LUZP2: variants seen among roughly 807,000 people sequenced by gnomAD.
LUZP2 encodes the protein leucine zipper protein 2.
A neutral mutation model predicts 51.6 loss-of-function variants in LUZP2; 52 were observed. That is an observed-to-expected ratio of 1.01 (90% confidence interval 0.81 to 1.27). LUZP2 has a LOEUF of 1.27. Among genes scored for constraint, LUZP2 ranks in the 50% most tolerant of loss-of-function variants. The pLI is 0.00. For synonymous variants in LUZP2, 154 were observed against 137.3 expected, an observed-to-expected ratio of 1.12 and a Z score of -0.85; for missense variants, 436 against 395.4, an observed-to-expected ratio of 1.10 and a Z score of -0.87.
intron 9 of LUZP2, among the ~76,000 whole-genome samples, chr11:24,995,808 T>C (rs1045102542): frequency 1.2e-4 from 18 of 152,032 alleles, no homozygotes; most frequent in Non-Finnish European, 1.9e-4. Context: ...AGGTCAATGG[T>C]TTGGTTTTCA....
intron 5 of LUZP2, among the ~76,000 whole-genome samples, chr11:24,817,121 G>T (rs528409459): frequency 1.1e-4 from 16 of 152,030 alleles, no homozygotes; most frequent in Admixed American, 3.3e-4. Context: ...TATTAACAAT[G>T]CTCCTCTGAG....
intron 7 of LUZP2, among the ~76,000 whole-genome samples, chr11:24,922,328 G>A (rs1000313945): frequency 6.6e-6 from 1 of 152,146 alleles, no homozygotes; most frequent in Non-Finnish European, 1.5e-5. Flanking sequence ...TGCTCTTGAA[G>A]AGAGGGCATT....
At position 24,729,364 on chromosome 11, in the gene LUZP2, T is replaced by A. The variant is rs919582400; in HGVS notation, c.180+78T>A. On this transcript the variant is annotated intron_variant, in intron 2 of 11. Transcript: ENST00000336930. ...TTCTGAGTGGATTGACATGCATTTT[T>A]AAATAGTTTTTAATGTGTTTCTGGG... 8.8e-5 allele frequency: 63 copies of A among 714,004 alleles called. 1 individual carries two copies. The East Asian group carries it at 1.7e-3, about 19-fold the overall frequency. The allele number at this position is 714,004 out of a possible 1,614,324, so 44.2% of individuals were successfully genotyped here. A position where few individuals can be genotyped will look rare whatever the true frequency, so the allele number is the denominator to read the frequency against.
chr11:24,745,178 A>T (rs1369196084), intron 4 of LUZP2, among the ~76,000 whole-genome samples: 1 of 152,140 alleles, frequency 6.6e-6, no homozygotes, highest in East Asian at 1.9e-4. Context: ...TAGAATGTAT[A>T]TTCTGGGGTT....
chr11:24,863,349 T>C (rs1207117519), intron 5 of LUZP2, among the ~76,000 whole-genome samples: 1 of 152,126 alleles, frequency 6.6e-6, no homozygotes, highest in African/African-American at 2.4e-5. Flanking sequence ...TGTTTGTCCA[T>C]AAAATGAAAT....
intron 7 of LUZP2, among the ~76,000 whole-genome samples, chr11:24,931,735 A>G (rs1854462150): frequency 6.6e-6 from 1 of 152,144 alleles, no homozygotes; most frequent in Admixed American, 6.5e-5. Flanking sequence ...TTTTTCTGGC[A>G]ATTCAGAGAT....
At chr11:24,921,787 A>G (rs1854067355) in intron 7 of LUZP2, among the ~76,000 whole-genome samples, 1 of 152,138 alleles carries the variant, frequency 6.6e-6, no homozygotes, top group Admixed American at 6.6e-5. Context: ...ATGTCTACAG[A>G]TTTTGGTGTC....
intron 1 of LUZP2, among the ~76,000 whole-genome samples, chr11:24,512,358 T>G (rs1850337728): frequency 6.6e-6 from 1 of 152,134 alleles, no homozygotes; most frequent in Non-Finnish European, 1.5e-5. Flanking sequence ...AAATTGAGGC[T>G]CATAGATGCC....
Position 24,777,074 on chromosome 11 carries a change from A to C in LUZP2, c.396+13766A>C, listed in dbSNP as rs368127747. 3.4e-5 allele frequency among the ~76,000 whole-genome samples: 5 copies of C among 146,962 alleles called. No individual in the cohort carries two copies. In the East Asian group the frequency reaches 6.1e-4, roughly 18 times the overall value. ...CAGTGGTGTGATCTCGGCTCACTGC[A>C]AGCTCAGCCTCCCGGGTTCATGCCA... On this transcript the variant is annotated intron_variant, in intron 5 of 11. Coordinates refer to ENST00000336930, the MANE Select transcript of LUZP2 (RefSeq NM_001009909.4).
chr11:24,759,628 A>C (rs184751301), intron 4 of LUZP2, among the ~76,000 whole-genome samples: 1 of 152,292 alleles, frequency 6.6e-6, no homozygotes, highest in East Asian at 1.9e-4. Context: ...GTGAAAGAAC[A>C]GGTTATTAAT....
chr11:24,860,490 G>A (rs1219443307), intron 5 of LUZP2, among the ~76,000 whole-genome samples: 1 of 152,118 alleles, frequency 6.6e-6, no homozygotes, highest in Non-Finnish European at 1.5e-5. Flanking sequence ...ACCAAACTAT[G>A]TGAGACCCTC....
chr11:24,802,741 G>A (rs1304665112), intron 5 of LUZP2, among the ~76,000 whole-genome samples: 1 of 151,912 alleles, frequency 6.6e-6, no homozygotes, highest in East Asian at 1.9e-4. Flanking sequence ...GCTATGGTTT[G>A]AATGTGTGAG....
Position 24,832,362 on chromosome 11 carries a change from G to A in LUZP2, c.396+69054G>A, listed in dbSNP as rs1002711078. The stretch of plus-strand genomic sequence containing the variant: ...ATAAAATAAAATAATAGTCTTGCAC[G>A]CTTACAGGGGACTGATATGGTTTTA... On this transcript the variant is annotated intron_variant, in intron 5 of 11. Transcript: ENST00000336930. Among the ~76,000 whole-genome samples, 66 of 151,902 alleles carry A rather than the reference G, an allele frequency of 4.3e-4. 1 individual carries two copies. Among genetic ancestry groups the A allele is most frequent in the African/African-American group, 7.2e-4 (30 of 41,464 alleles).
rs776739280 is a variant in LUZP2 at position 24,774,362 on chromosome 11, C to CTCTATA, written c.396+11055_396+11056insCTATAT. ...TCTCTCTCTCTCTCTCTCTCTCTCT[C>CTCTATA]TATATATATATATATATATACATAC... On this transcript the variant is annotated intron_variant, in intron 5 of 11. Transcript: ENST00000336930. Among the ~76,000 whole-genome samples, 144 of 76,314 alleles carry CTCTATA rather than the reference C, an allele frequency of 1.9e-3. 4 individuals are homozygous for CTCTATA. The highest frequency in any genetic ancestry group is 8.1e-3 in the African/African-American group (136 of 16,720). The allele number at this position is 76,314 out of a possible 152,430, so 50.1% of individuals were successfully genotyped here.
chr11:24,828,253 C>G (rs1450702672), intron 5 of LUZP2, among the ~76,000 whole-genome samples: 1 of 152,084 alleles, frequency 6.6e-6, no homozygotes, highest in Non-Finnish European at 1.5e-5. Flanking sequence ...TCCTTTTAAT[C>G]TCTCACAATG....
intron 9 of LUZP2, among the ~76,000 whole-genome samples, chr11:25,036,510 G>A (rs1240044955): frequency 6.9e-6 from 1 of 144,354 alleles, no homozygotes; most frequent in African/African-American, 2.6e-5. Flanking sequence ...TATTCTGCTA[G>A]CTTTGGGGTT....
In LUZP2 at chr11:24,977,821, A is replaced by T. The variant is rs563647473; in HGVS notation, c.597+1156A>T. Among the ~76,000 whole-genome samples, 12 of 151,556 alleles carry T rather than the reference A, an allele frequency of 7.9e-5. No homozygotes were observed. In the East Asian group the frequency reaches 2.3e-3, roughly 29 times the overall value. The stretch of plus-strand genomic sequence containing the variant: ...TTTTATTATCAAAATTTTGCTTTTA[A>T]CACTTAATTCAGATAGATATTTACT... On this transcript the variant is annotated intron_variant, in intron 8 of 11. Coordinates refer to ENST00000336930, the MANE Select transcript of LUZP2 (RefSeq NM_001009909.4).
chr11:24,499,994 A>G lies in LUZP2; in HGVS notation c.62+2689A>G, dbSNP rs532635782. 6.0e-4 allele frequency among the ~76,000 whole-genome samples: 92 copies of G among 152,322 alleles called. 1 individual carries two copies. Among genetic ancestry groups the G allele is most frequent in the African/African-American group, 2.1e-3 (87 of 41,578 alleles). On this transcript the variant is annotated intron_variant, in intron 1 of 11. Coordinates refer to ENST00000336930, the MANE Select transcript of LUZP2 (RefSeq NM_001009909.4). ...GTCTTTTAAACAGAAATTTTTGAAT[A>G]GAAAACAATCCTGCCTTTTAAATAG...
At chr11:24,719,580 T>A (rs999148113) in intron 1 of LUZP2, among the ~76,000 whole-genome samples, 1 of 152,238 alleles carries the variant, frequency 6.6e-6, no homozygotes, top group African/African-American at 2.4e-5. Flanking sequence ...ACACAGCATT[T>A]GGCACTATGT....
Sources: allele counts gnomAD v4.1 joint callset (sites outside exome capture counted in the v4.1 genomes callset), GRCh38; gene constraint gnomAD v4.1.1; transcripts MANE v1.5; gene names NCBI Gene and HGNC (gene_info 2026-07-23, HGNC 2026-07-21).